ZNF81: variants seen among roughly 807,000 people sequenced by gnomAD.
The protein encoded by ZNF81 is zinc finger protein 81, also known as zinc finger protein 81 (HFZ20).
ZNF81 carries 5 observed loss-of-function variants against 32.3 expected under a neutral mutation model. The observed-to-expected ratio is 0.15, with a 90% CI of 0.08 to 0.33. The LOEUF (loss-of-function observed/expected upper bound fraction) is 0.33. ZNF81 is among the 10% of genes least tolerant of loss of function. The probability of loss-of-function intolerance (pLI) is 1.00; values close to 1 mark genes in which losing one functional copy is unlikely to be tolerated. For synonymous variants in ZNF81, 163 were observed against 166.8 expected, an observed-to-expected ratio of 0.98 and a Z score of 0.17; for missense variants, 379 against 479.8, an observed-to-expected ratio of 0.79 and a Z score of 1.96.
At chrX:47,866,184 A>C (rs1046377630) in intron 2 of ZNF81, among the ~76,000 whole-genome samples, 7 of 112,165 alleles carry the variant, frequency 6.2e-5, no homozygotes, top group Middle Eastern at 4.6e-3. Context: ...CACAGTTGCA[A>C]GTGTGCTGGC....
chrX:47,875,355 A>G (rs1016112565), intron 2 of ZNF81, among the ~76,000 whole-genome samples: 2 of 112,341 alleles, frequency 1.8e-5, no homozygotes, highest in Non-Finnish European at 3.8e-5. Flanking sequence ...AATAAAAGGA[A>G]TCATCCTCAG....
rs1556890476 is a variant in ZNF81, at chrX:47,915,214, CAT to C, written c.570_571del (p.His190GlnfsTer3). 2.5e-6 allele frequency: 3 copies of C among 1,209,071 alleles called. No homozygotes were observed. Among genetic ancestry groups the C allele is most frequent in the Non-Finnish European group, 3.4e-6 (3 of 894,128 alleles). ...PNLILSQKRP[H>X]KRDSFGKSFK... Reference sequence around the variant, plus strand: ...TCTCATTCTTTCACAGAAAAGACCCCATAAACGTGATTCATTTGGGAAGAGTT... The same window carrying C: ...TCTCATTCTTTCACAGAAAAGACCCCAAACGTGATTCATTTGGGAAGAGTT... On this transcript the variant is annotated frameshift_variant, in exon 5 of 5. Coordinates refer to ENST00000338637, the MANE Select transcript of ZNF81 (RefSeq NM_007137.5). LOFTEE classifies it high-confidence loss of function.
At chrX:47,866,544 T>C (rs1191012501) in intron 2 of ZNF81, among the ~76,000 whole-genome samples, 4 of 111,849 alleles carry the variant, frequency 3.6e-5, no homozygotes, top group Non-Finnish European at 5.6e-5. Context: ...TCATAATTCA[T>C]CCTAAGTTTA....
At chrX:47,848,279 C>T (rs373293123) in intron 2 of ZNF81, among the ~76,000 whole-genome samples, 27 of 111,885 alleles carry the variant, frequency 2.4e-4, no homozygotes, top group African/African-American at 7.8e-4. Context: ...CTTTTCTACT[C>T]ACATGTACAT....
At chrX:47,843,193 G>GTA (rs1325113974) in intron 1 of ZNF81, among the ~76,000 whole-genome samples, 5 of 110,966 alleles carry the variant, frequency 4.5e-5, no homozygotes, top group African/African-American at 6.6e-5. Flanking sequence ...ATACTCTATT[G>GTA]TATATATATG....
chrX:47,891,722 C>T (rs1382478156), intron 3 of ZNF81, among the ~76,000 whole-genome samples: 3 of 112,300 alleles, frequency 2.7e-5, no homozygotes, highest in Admixed American at 9.4e-5. Context: ...TAAGCTCCTA[C>T]GCTGACTGGT....
chrX:47,867,400 G>A (rs946016874), intron 2 of ZNF81, among the ~76,000 whole-genome samples: 3 of 111,610 alleles, frequency 2.7e-5, no homozygotes, highest in African/African-American at 9.8e-5. Context: ...GAGGGAGGAA[G>A]GTCTCTTTTC....
chrX:47,910,709 T>C (rs1556889817), intron 4 of ZNF81, among the ~76,000 whole-genome samples: 1 of 111,990 alleles, frequency 8.9e-6, no homozygotes, highest in African/African-American at 3.2e-5. Flanking sequence ...ATTATAATAG[T>C]GCTCTAGTAC....
intron 4 of ZNF81, among the ~76,000 whole-genome samples, chrX:47,906,007 T>G (rs2058720035): frequency 9.7e-6 from 1 of 103,387 alleles, no homozygotes. Flanking sequence ...CTGGACTGAT[T>G]TTGATTTTTC....
At position 47,862,385 on chromosome X, in the gene ZNF81, T is replaced by G. The variant is rs186960691; in HGVS notation, c.54+16064T>G. Among the ~76,000 whole-genome samples the G allele has an allele frequency of 6.8e-3, 736 of 108,280 alleles. 2 individuals carry two copies. The highest frequency in any genetic ancestry group is 0.011 in the Non-Finnish European group (562 of 52,256). The allele number at this position is 108,280 out of a possible 115,157, so 94.0% of individuals were successfully genotyped here. The stretch of plus-strand genomic sequence containing the variant: ...AATACAAAAAAAAATTAGCCGGGCG[T>G]GGTGGCAGGTGCCTGTAATCCCAGC... On this transcript the variant is annotated intron_variant, in intron 2 of 4. Transcript: ENST00000338637.
chrX:47,864,831 G>T (rs888737423), intron 2 of ZNF81, among the ~76,000 whole-genome samples: 1 of 112,532 alleles, frequency 8.9e-6, no homozygotes, highest in Non-Finnish European at 1.9e-5. Context: ...GTTCCAAAAA[G>T]AGCTGACTGA....
intron 1 of ZNF81, among the ~76,000 whole-genome samples, chrX:47,842,499 C>T (rs1569371397): frequency 9.0e-6 from 1 of 111,616 alleles, no homozygotes; most frequent in Non-Finnish European, 1.9e-5. Context: ...CTGTTCAAGT[C>T]CTGAGGTCTG....
At chrX:47,902,010 T>C (rs2058700321) in intron 4 of ZNF81, among the ~76,000 whole-genome samples, 1 of 112,101 alleles carries the variant, frequency 8.9e-6, no homozygotes, top group African/African-American at 3.2e-5. Context: ...GAAGTTTTCT[T>C]TGTGGGACTG....
intron 1 of ZNF81, among the ~76,000 whole-genome samples, chrX:47,837,892 G>A (rs2058431699): frequency 8.9e-6 from 1 of 112,012 alleles, no homozygotes; most frequent in Admixed American, 9.5e-5. Context: ...ATTTTGATAG[G>A]AATTGCATTA....
intron 2 of ZNF81, among the ~76,000 whole-genome samples, chrX:47,867,594 C>G (rs782652524): frequency 1.8e-5 from 2 of 111,911 alleles, no homozygotes; most frequent in South Asian, 7.4e-4. Context: ...TGAAAATTAC[C>G]ATAGGATGAA....
rs181694111 is a variant in ZNF81, at chrX:47,887,505, G to A, written c.55-494G>A. On this transcript the variant is annotated intron_variant, in intron 2 of 4. Transcript: ENST00000338637. ...GAGACATGGACCATTATCCTAGATA[G>A]ACCATATGTTGAAATCATACAGAGT... 1.3e-3 allele frequency among the ~76,000 whole-genome samples: 141 copies of A among 111,824 alleles called. 2 individuals are homozygous for A. The highest frequency in any genetic ancestry group is 2.3e-3 in the Non-Finnish European group (123 of 53,226).
intron 3 of ZNF81, among the ~76,000 whole-genome samples, chrX:47,894,038 T>C (rs1161153831): frequency 8.9e-6 from 1 of 111,815 alleles, no homozygotes; most frequent in African/African-American, 3.3e-5. Context: ...GTTAAAGCAG[T>C]GAAAATAGAT....
chrX:47,914,199 A>C (rs782383738), intron 4 of ZNF81, among the ~76,000 whole-genome samples: 14 of 111,800 alleles, frequency 1.3e-4, no homozygotes, highest in Non-Finnish European at 1.9e-5. Flanking sequence ...GCTTATGTTG[A>C]ATGCCAGCCT....
intron 3 of ZNF81, among the ~76,000 whole-genome samples, chrX:47,889,916 G>A (rs1379930013): frequency 3.6e-5 from 4 of 110,896 alleles, no homozygotes; most frequent in Non-Finnish European, 7.6e-5. Context: ...TGAGAAATCC[G>A]CCACCATGAT....
Sources: gnomAD v4.1 joint callset for allele counts (sites outside exome capture counted in the v4.1 genomes callset) on GRCh38, gnomAD v4.1.1 for gene constraint, MANE v1.5 for transcripts, NCBI Gene and HGNC (gene_info 2026-07-23, HGNC 2026-07-21) for gene names.